Variants in BEGAIN observed in about 807,000 individuals in gnomAD.
BEGAIN encodes brain enriched guanylate kinase associated.
In BEGAIN, 19 loss-of-function variants were observed where a neutral mutation model predicts 35.8. That is an observed-to-expected ratio of 0.53 (90% confidence interval 0.37 to 0.78). The LOEUF is 0.78. BEGAIN is among the 30% of genes least tolerant of loss of function. BEGAIN has a pLI of 0.00. For missense variants in BEGAIN, 795 were observed against 853.6 expected (o/e 0.93, Z 0.85); for synonymous variants, 462 against 388.6 (o/e 1.19, Z -2.22).
rs1220846316 is a variant in BEGAIN at position 100,563,750 on chromosome 14, G to A, written c.71+4161C>T. On this transcript the variant is annotated intron_variant, in intron 2 of 6. Transcript: ENST00000554140. This position sits in a 1 kb window ranked among gnomAD's most constrained non-coding sequence, Gnocchi z 4.2. Reference sequence around the variant, plus strand: ...TCGCAGCCCACATCCCCAGACACCCGCACAGGAGTTTCCTAAGGTGGCCCA... The same window carrying A: ...TCGCAGCCCACATCCCCAGACACCCACACAGGAGTTTCCTAAGGTGGCCCA... Among the ~76,000 whole-genome samples, 3 of 152,204 alleles carry A rather than the reference G, an allele frequency of 2.0e-5. No individual in the cohort carries two copies. Among genetic ancestry groups the A allele is most frequent in the East Asian group, 1.9e-4 (1 of 5,198 alleles).
chr14:100,553,188 C>G (rs1030431543), intron 2 of BEGAIN, among the ~76,000 whole-genome samples: 3 of 152,074 alleles, frequency 2.0e-5, no homozygotes, highest in Non-Finnish European at 4.4e-5. Context: ...GGAAGGAGAA[C>G]GGGATGCTCA....
chr14:100,572,105 G>A (rs72631668), intron 1 of BEGAIN, among the ~76,000 whole-genome samples: 26,173 of 152,070 alleles, frequency 0.17, 2,981 homozygotes, highest in East Asian at 0.56. Flanking sequence ...CAGGGTCCTC[G>A]TCATTCTAAC....
At position 100,563,915 on chromosome 14, in the gene BEGAIN, C is replaced by T. The variant is rs2034480498; in HGVS notation, c.71+3996G>A. Among the ~76,000 whole-genome samples the T allele has an allele frequency of 1.3e-5, 2 of 152,218 alleles. No homozygotes were observed. Among genetic ancestry groups the T allele is most frequent in the African/African-American group, 4.8e-5 (2 of 41,456 alleles). On this transcript the variant is annotated intron_variant, in intron 2 of 6. Coordinates refer to ENST00000554140, the MANE Select transcript of BEGAIN (RefSeq NM_001385089.1). This position sits in a 1 kb window ranked among gnomAD's most constrained non-coding sequence, Gnocchi z 4.2. ...AGTTTTGGTGAAAAAAAGCCACCCC[C>T]AAAACACAGGCTGAAGGAATCCAGG...
chr14:100,571,042 G>A (rs974634759), intron 1 of BEGAIN, among the ~76,000 whole-genome samples: 2 of 151,916 alleles, frequency 1.3e-5, no homozygotes, highest in African/African-American at 4.8e-5. Context: ...AGGGAGGCTG[G>A]GACCCCAGGG....
chr14:100,549,594 G>C (rs61992982), intron 2 of BEGAIN: 1,986 of 152,396 alleles, frequency 0.013, 11 homozygotes, highest in Non-Finnish European at 0.022. Context: ...TCCCCACACC[G>C]GGCAATAACC....
chr14:100,546,760 AC>A, intron 2 of BEGAIN, 98 bp from the exon 3 acceptor site: 1 of 1,147,404 alleles, frequency 8.7e-7, no homozygotes, highest in Non-Finnish European at 1.1e-6. Context: ...ACACGCGAGT[AC>A]CGGCGCGCGC....
intron 3 of BEGAIN, 49 bp from the exon 4 acceptor site, chr14:100,545,115 C>A (rs766441419): frequency 6.2e-7 from 1 of 1,610,844 alleles, no homozygotes; most frequent in Non-Finnish European, 8.5e-7. Context: ...CTGTCCCTCC[C>A]ACGACCCTTA....
rs2032004281 is a variant in BEGAIN at position 100,543,948 on chromosome 14, C to T, written c.318G>A (p.Glu106=). The change falls in exon 5 of 7, where the codon GAG becomes GAA. Residue 106 remains glutamate (E), a synonymous_variant. Coordinates refer to ENST00000554140, the MANE Select transcript of BEGAIN (RefSeq NM_001385089.1). ...TCTCGTGGCTCAGCGCACGCTTCTC[C>T]TCCTCATAGTGCTGGCCCTGGGGGT... ...KLYRMGQHYE[E]EKRALSHEIV... 6.2e-7 allele frequency: 1 copy of T among 1,611,006 alleles called. No individual in the cohort carries two copies. The highest frequency in any genetic ancestry group is 8.5e-7 in the Non-Finnish European group (1 of 1,178,794).
rs750883940 is a variant in BEGAIN, at chr14:100,538,195, C to T, written c.1613G>A (p.Gly538Glu). Residue 538 changes from glycine to glutamate, a missense_variant, in exon 7 of 7, where the codon GGG becomes GAG. Around this residue, in one of 3 missense-constraint regions of BEGAIN, gnomAD observed 664 missense variants for 647.7 expected, o/e 1.03. Transcript: ENST00000554140. ...CTGCACCCCGAGCCTGTCCCCGTCC[C>T]CCCCCTCGCTGGGTGCATAGCCGGG... Reference protein sequence around the residue: ...PLPGYAPSEGGDGDRLGVQLC... With the variant: ...PLPGYAPSEGEDGDRLGVQLC... The T allele has an allele frequency of 1.3e-6, 2 of 1,550,894 alleles. No individual in the cohort carries two copies. The highest frequency in any genetic ancestry group is 1.8e-4 in the Middle Eastern group (1 of 5,682).
intron 4 of BEGAIN, 106 bp downstream of exon 4, chr14:100,544,894 C>G (rs977106699): frequency 1.8e-6 from 2 of 1,128,378 alleles, no homozygotes; most frequent in African/African-American, 3.1e-5. Context: ...GTGGGACCAG[C>G]AAGACCTGTG....
intron 2 of BEGAIN, among the ~76,000 whole-genome samples, chr14:100,552,586 C>G (rs1274449574): frequency 6.6e-6 from 1 of 152,206 alleles, no homozygotes; most frequent in African/African-American, 2.4e-5. Flanking sequence ...TTGCTGAGAG[C>G]CTGGCACAGG....
At chr14:100,576,242 C>T (rs2035198924) in intron 1 of BEGAIN, among the ~76,000 whole-genome samples, 1 of 152,154 alleles carries the variant, frequency 6.6e-6, no homozygotes, top group Admixed American at 6.5e-5. Context: ...CGGCCTGTCC[C>T]TGGCCATCCC....
chr14:100,566,377 C>T (rs139621525), intron 2 of BEGAIN, among the ~76,000 whole-genome samples: 23 of 152,338 alleles, frequency 1.5e-4, no homozygotes, highest in African/African-American at 5.1e-4. Context: ...GGAATAGGTG[C>T]CGGAGAGCCT....
At chr14:100,546,864 G>T in intron 2 of BEGAIN, 3 of 464,956 alleles carry the variant, frequency 6.5e-6, no homozygotes, top group Non-Finnish European at 1.1e-5. Flanking sequence ...GCGCCCCAGA[G>T]TCAGGGACTC....
At chr14:100,574,053 G>A (rs1256987220) in intron 1 of BEGAIN, among the ~76,000 whole-genome samples, 1 of 152,172 alleles carries the variant, frequency 6.6e-6, no homozygotes, top group Non-Finnish European at 1.5e-5. Context: ...CCACAGGTAG[G>A]ACAAGGACGG....
chr14:100,570,388 T>C (rs1327928600), intron 1 of BEGAIN, among the ~76,000 whole-genome samples: 1 of 152,162 alleles, frequency 6.6e-6, no homozygotes, highest in Non-Finnish European at 1.5e-5. Context: ...TTCAAGCCTA[T>C]TCTAGAGCCT....
At position 100,538,818 on chromosome 14, in the gene BEGAIN, C is replaced by A; in HGVS notation, c.990G>T (p.Glu330Asp). 1 of 1,604,148 alleles carries A rather than the reference C, an allele frequency of 6.2e-7. No homozygotes were observed. Residue 330 changes from glutamate (E) to aspartate (D), a missense_variant, in exon 7 of 7, where the codon GAG becomes GAT. Glu to Asp is a conservative substitution (Grantham distance 45, BLOSUM62 2). Around this residue, in one of 3 missense-constraint regions of BEGAIN, gnomAD observed 664 missense variants for 647.7 expected, o/e 1.03. Transcript: ENST00000554140. Reference protein sequence around the residue: ...SSFSATSEEKEHAQASTLTAS... With the variant: ...SSFSATSEEKDHAQASTLTAS... ...CGGTCAGCGTGCTGGCCTGCGCGTG[C>A]TCCTTCTCCTCCGACGTGGCGCTGA...
chr14:100,543,831 C>T, intron 5 of BEGAIN, 27 bp downstream of exon 5: 4 of 1,587,500 alleles, frequency 2.5e-6, no homozygotes, highest in Non-Finnish European at 3.5e-6. Context: ...GGCAGTCTTC[C>T]ATGGGCCAAG....
intron 1 of BEGAIN, among the ~76,000 whole-genome samples, chr14:100,574,051 A>T (rs753758050): frequency 6.6e-6 from 1 of 152,110 alleles, no homozygotes; most frequent in Non-Finnish European, 1.5e-5. Context: ...ACCCACAGGT[A>T]GGACAAGGAC....
Sources: allele counts gnomAD v4.1 joint callset (sites outside exome capture counted in the v4.1 genomes callset), GRCh38; gene constraint gnomAD v4.1.1; regional missense constraint gnomAD v4.1.1; non-coding constraint Gnocchi (gnomAD v3.1); transcripts MANE v1.5; gene names NCBI Gene and HGNC (gene_info 2026-07-23, HGNC 2026-07-21).